Variants in STAG1 observed in about 807,000 individuals in gnomAD.
STAG1 encodes the protein STAG1 cohesin complex component.
STAG1 carries 26 observed loss-of-function variants against 170.9 expected under a neutral mutation model. The observed-to-expected ratio is 0.15, with a 90% CI of 0.11 to 0.21. The LOEUF is 0.21. Among genes scored for constraint, STAG1 ranks in the 10% least tolerant of loss-of-function variants. The probability of loss-of-function intolerance (pLI) is 1.00; values close to 1 mark genes in which losing one functional copy is unlikely to be tolerated. For synonymous variants in STAG1, 514 were observed against 497.7 expected (o/e 1.03, Z -0.44); for missense variants, 964 against 1,509.5 (o/e 0.64, Z 5.99).
intron 22 of STAG1, among the ~76,000 whole-genome samples, chr3:136,394,228 G>T (rs1452764238): frequency 2.0e-5 from 3 of 152,128 alleles, no homozygotes; most frequent in African/African-American, 7.2e-5. Flanking sequence ...TTTAAAGTTT[G>T]CATGTGTCTT....
chr3:136,489,470 G>A (rs2090079977), intron 9 of STAG1, among the ~76,000 whole-genome samples: 1 of 152,106 alleles, frequency 6.6e-6, no homozygotes, highest in Admixed American at 6.5e-5. Flanking sequence ...CAAAAACCAT[G>A]CTTAGCTAAT....
chr3:136,392,426 T>C (rs886356149), intron 22 of STAG1, among the ~76,000 whole-genome samples: 7 of 152,090 alleles, frequency 4.6e-5, no homozygotes, highest in Admixed American at 1.3e-4. Context: ...TGAAAGTACA[T>C]TGTAATCTCA....
At position 136,568,756 on chromosome 3, in the gene STAG1, A is replaced by G; in HGVS notation, c.394+9T>C. On this transcript the variant is annotated intron_variant, in intron 5 of 33. Transcript: ENST00000383202. The stretch of plus-strand genomic sequence containing the variant: ...CTCAATGTACATCATTTATTTCAAC[A>G]TTCTGTACCTCGACATCCTGAACAC... The G allele has an allele frequency of 1.2e-6, 2 of 1,603,532 alleles. No individual in the cohort carries two copies. Among genetic ancestry groups the G allele is most frequent in the Non-Finnish European group, 1.7e-6 (2 of 1,172,112 alleles).
At chr3:136,637,169 G>C (rs899088416) in intron 1 of STAG1, among the ~76,000 whole-genome samples, 1 of 152,166 alleles carries the variant, frequency 6.6e-6, no homozygotes, top group African/African-American at 2.4e-5. Context: ...GGTTTAAGTA[G>C]CATCAAGAAA....
At chr3:136,708,736 T>A (rs1333378392) in intron 1 of STAG1, among the ~76,000 whole-genome samples, 1 of 152,174 alleles carries the variant, frequency 6.6e-6, no homozygotes, top group Non-Finnish European at 1.5e-5. Flanking sequence ...ATATAGCTAC[T>A]TAAAATTGTT....
At chr3:136,580,628 G>A (rs1300229259) in intron 4 of STAG1, among the ~76,000 whole-genome samples, 1 of 148,878 alleles carries the variant, frequency 6.7e-6, no homozygotes, top group African/African-American at 2.5e-5. Flanking sequence ...CCGCTTCCCG[G>A]GTTCACGCCA....
In STAG1 at chr3:136,563,647, C is replaced by CAA. The variant is rs772716937; in HGVS notation, c.394+5116_394+5117dup. On this transcript the variant is annotated intron_variant, in intron 5 of 33. Transcript: ENST00000383202. ...AACCCTTATATTCCCTTCTTTCTTA[C>CAA]AAAAAAAAAAAAAAAACAACAACAA... Among the ~76,000 whole-genome samples, 436 of 97,888 alleles carry CAA rather than the reference C, an allele frequency of 4.5e-3. 3 individuals are homozygous for CAA. The highest frequency in any genetic ancestry group is 7.9e-3 in the African/African-American group (244 of 30,698). 64.2% of individuals were successfully genotyped at this position (97,888 alleles called of 152,430 possible). A position where few individuals can be genotyped will look rare whatever the true frequency, so the allele number is the denominator to read the frequency against.
intron 1 of STAG1, among the ~76,000 whole-genome samples, chr3:136,718,896 C>T (rs1933029883): frequency 6.6e-6 from 1 of 152,042 alleles, no homozygotes; most frequent in Admixed American, 6.6e-5. Context: ...CACTGCACTC[C>T]ATCCTGGGTG....
Position 136,337,223 on chromosome 3 carries a change from G to GTAT in STAG1, c.*1028_*1030dup, listed in dbSNP as rs1553786587. On this transcript the variant is annotated 3_prime_UTR_variant, in exon 34 of 34. Transcript: ENST00000383202. ...TAATTCACAAAATTAGCGCATAAGG[G>GTAT]TATTAAGTGCATGGGAAGTAAACAC... 6.6e-6 allele frequency: 1 copy of GTAT among 152,594 alleles called. No individual in the cohort carries two copies. The highest frequency in any genetic ancestry group is 2.4e-5 in the African/African-American group (1 of 41,438). 9.5% of individuals were successfully genotyped at this position (152,594 alleles called of 1,614,324 possible).
chr3:136,655,457 C>T (rs1206119255), intron 1 of STAG1, among the ~76,000 whole-genome samples: 1 of 152,130 alleles, frequency 6.6e-6, no homozygotes, highest in East Asian at 1.9e-4. Context: ...ATTAGGATGG[C>T]TATAATAAAA....
At chr3:136,398,500 C>CGT (rs142935528) in intron 22 of STAG1, among the ~76,000 whole-genome samples, 5 of 151,636 alleles carry the variant, frequency 3.3e-5, no homozygotes, top group Non-Finnish European at 5.9e-5. Flanking sequence ...AGTTTTAATC[C>CGT]GTGTGTGTGT....
chr3:136,703,837 T>C (rs1462185345), intron 1 of STAG1, among the ~76,000 whole-genome samples: 1 of 151,730 alleles, frequency 6.6e-6, no homozygotes, highest in African/African-American at 2.4e-5. Context: ...TGGTGAAACC[T>C]GGTCTCTACT....
At chr3:136,347,018 A>C (rs772501902) in intron 29 of STAG1, among the ~76,000 whole-genome samples, 1 of 149,704 alleles carries the variant, frequency 6.7e-6, no homozygotes, top group Non-Finnish European at 1.5e-5. Context: ...GGATTGCTTG[A>C]GCCAGGGAGG....
At chr3:136,416,008 T>C (rs916573410) in intron 21 of STAG1, among the ~76,000 whole-genome samples, 1 of 147,658 alleles carries the variant, frequency 6.8e-6, no homozygotes, top group African/African-American at 2.4e-5. Flanking sequence ...GTTAAAGCCA[T>C]AAAACTTTTT....
At chr3:136,493,036 T>G (rs1449158041) in intron 9 of STAG1, among the ~76,000 whole-genome samples, 1 of 152,206 alleles carries the variant, frequency 6.6e-6, no homozygotes, top group Non-Finnish European at 1.5e-5. Flanking sequence ...ATGAATAATT[T>G]TAGTTTTCAA....
chr3:136,473,567 T>C lies in STAG1; in HGVS notation c.1097A>G (p.Lys366Arg). The change falls in exon 11 of 34, where the codon AAA becomes AGA. Residue 366 changes from lysine to arginine, a missense_variant. Lys to Arg is a conservative substitution (Grantham distance 26). Transcript: ENST00000383202. ...SLYTNRELFP[K>R]LELFTNRFKD... ...GAATCGGTTAGTGAATAGTTCCAAT[T>C]TGGGGAATAATTCTCTATTGGTATA... 2 of 1,612,094 alleles carry C rather than the reference T, an allele frequency of 1.2e-6. No homozygotes were observed. The highest frequency in any genetic ancestry group is 1.7e-6 in the Non-Finnish European group (2 of 1,178,866).
intron 20 of STAG1, 70 bp from the exon 21 acceptor site, chr3:136,418,042 G>C: frequency 1.7e-6 from 2 of 1,153,994 alleles, no homozygotes; most frequent in Non-Finnish European, 2.6e-6. Context: ...CTCAGTTCAG[G>C]TGAGTGGAAG....
intron 3 of STAG1, among the ~76,000 whole-genome samples, chr3:136,608,797 CAAAAA>C (rs34993713): frequency 6.3e-5 from 5 of 79,186 alleles, no homozygotes; most frequent in African/African-American, 1.5e-4. Flanking sequence ...GACCCTATCT[CAAAAA>C]AAAAAAAAAA....
intron 7 of STAG1, among the ~76,000 whole-genome samples, chr3:136,515,031 G>A (rs1934282978): frequency 1.3e-5 from 2 of 151,990 alleles, no homozygotes; most frequent in Non-Finnish European, 2.9e-5. Flanking sequence ...TGCACATTGT[G>A]CACATGTACC....
Sources: gnomAD v4.1 joint callset for allele counts (sites outside exome capture counted in the v4.1 genomes callset) on GRCh38, gnomAD v4.1.1 for gene constraint, MANE v1.5 for transcripts, NCBI Gene and HGNC (gene_info 2026-07-23, HGNC 2026-07-21) for gene names.